BTF3L4: variants seen among roughly 807,000 people sequenced by gnomAD.
The protein encoded by BTF3L4 is basic transcription factor 3 like 4.
A neutral mutation model predicts 16.8 loss-of-function variants in BTF3L4; 6 were observed. The ratio of observed to expected loss-of-function variants is 0.36; its 90% CI spans 0.20 to 0.71. The LOEUF (loss-of-function observed/expected upper bound fraction) is 0.71. BTF3L4 is among the 30% of genes least tolerant of loss of function. BTF3L4 has a pLI of 0.58. For missense variants in BTF3L4, 92 were observed against 186.9 expected (o/e 0.49, Z 2.96); for synonymous variants, 39 against 59.8 (o/e 0.65, Z 1.60).
chr1:52,066,691 A>G (rs1466413106), intron 3 of BTF3L4, among the ~76,000 whole-genome samples: 1 of 151,380 alleles, frequency 6.6e-6, no homozygotes, highest in East Asian at 2.0e-4. Flanking sequence ...AAAATTAAAA[A>G]AAAAATTAGC....
rs1433921386 is a variant in BTF3L4, at chr1:52,089,514, T to C, written c.*2756T>C. ...TTGGCATAAATATGAATTAAATCTTTTTTTATATTTAAATAACTAGTTAAA... is the reference window on the plus strand; with the variant it reads ...TTGGCATAAATATGAATTAAATCTTCTTTTATATTTAAATAACTAGTTAAA... On this transcript the variant is annotated 3_prime_UTR_variant, in exon 6 of 6. Transcript: ENST00000313334. 1 of 152,218 alleles carries C rather than the reference T, an allele frequency of 6.6e-6. No homozygotes were observed. The highest frequency in any genetic ancestry group is 1.5e-5 in the Non-Finnish European group (1 of 68,036). The allele number at this position is 152,218 out of a possible 1,614,324, so 9.4% of individuals were successfully genotyped here. A position where few individuals can be genotyped will look rare whatever the true frequency, so the allele number is the denominator to read the frequency against.
At position 52,088,118 on chromosome 1, in the gene BTF3L4, C is replaced by CA. The variant is rs537372244; in HGVS notation, c.*1364dup. 10 of 152,650 alleles carry CA rather than the reference C, an allele frequency of 6.6e-5. No homozygotes were observed. The South Asian group carries it at 2.1e-3, about 32-fold the overall frequency. The allele number at this position is 152,650 out of a possible 1,614,324, so 9.5% of individuals were successfully genotyped here. A position where few individuals can be genotyped will look rare whatever the true frequency, so the allele number is the denominator to read the frequency against. ...ATTTGTTACAGCCAATATTTAAGGACAAAATTTAGAAAATATATCATTTCC... is the reference window on the plus strand; with the variant it reads ...ATTTGTTACAGCCAATATTTAAGGACAAAAATTTAGAAAATATATCATTTCC... On this transcript the variant is annotated 3_prime_UTR_variant, in exon 6 of 6. Transcript: ENST00000313334.
At position 52,088,355 on chromosome 1, in the gene BTF3L4, A is replaced by G. The variant is rs1643990589; in HGVS notation, c.*1597A>G. 6.6e-6 allele frequency: 1 copy of G among 152,638 alleles called. No homozygotes were observed. Among genetic ancestry groups the G allele is most frequent in the Non-Finnish European group, 1.5e-5 (1 of 68,048 alleles). 9.5% of individuals were successfully genotyped at this position (152,638 alleles called of 1,614,324 possible). Reference sequence around the variant, plus strand: ...TTTCCTGTTATGTTTTATATAATATATGGACTAAACAAAATAAAATAACAG... The same window carrying G: ...TTTCCTGTTATGTTTTATATAATATGTGGACTAAACAAAATAAAATAACAG... On this transcript the variant is annotated 3_prime_UTR_variant, in exon 6 of 6. Coordinates refer to ENST00000313334, the MANE Select transcript of BTF3L4 (RefSeq NM_152265.5).
intron 3 of BTF3L4, among the ~76,000 whole-genome samples, chr1:52,067,965 G>A (rs1318496042): frequency 6.6e-6 from 1 of 150,756 alleles, no homozygotes; most frequent in Non-Finnish European, 1.5e-5. Flanking sequence ...CAGGCAAAGG[G>A]CAGGCACCCT....
chr1:52,073,864 G>C (rs939126368), intron 3 of BTF3L4, among the ~76,000 whole-genome samples: 19 of 152,008 alleles, frequency 1.2e-4, no homozygotes, highest in Admixed American at 8.5e-4. Flanking sequence ...CGGGCGTGGT[G>C]GTGGGCGTCT....
At chr1:52,083,978 C>G (rs548112137) in intron 4 of BTF3L4, among the ~76,000 whole-genome samples, 4 of 150,940 alleles carry the variant, frequency 2.7e-5, no homozygotes, top group Non-Finnish European at 5.9e-5. Context: ...TGAGATCATG[C>G]CATTGCACTC....
chr1:52,077,580 G>T (rs1281797901), intron 3 of BTF3L4, among the ~76,000 whole-genome samples: 2 of 152,094 alleles, frequency 1.3e-5, no homozygotes, highest in African/African-American at 4.8e-5. Flanking sequence ...AGAGACAACT[G>T]CTAATTCTCT....
In BTF3L4 at chr1:52,088,404, C is replaced by A. The variant is rs150207448; in HGVS notation, c.*1646C>A. On this transcript the variant is annotated 3_prime_UTR_variant, in exon 6 of 6. Transcript: ENST00000313334. ...AGTGCAAAAGAGGAGAATATTTCCT[C>A]TTGTGCTTTTCTTGATGTTGTGTAC... 186 of 152,632 alleles carry A rather than the reference C, an allele frequency of 1.2e-3. No individual in the cohort carries two copies. The highest frequency in any genetic ancestry group is 3.4e-3 in the Middle Eastern group (1 of 294). The allele number at this position is 152,632 out of a possible 1,614,324, so 9.5% of individuals were successfully genotyped here.
intron 3 of BTF3L4, among the ~76,000 whole-genome samples, chr1:52,081,637 T>C (rs1450178232): frequency 6.6e-6 from 1 of 152,234 alleles, no homozygotes; most frequent in Admixed American, 6.5e-5. Context: ...TTCAAAACTA[T>C]ATAATTTATC....
intron 3 of BTF3L4, among the ~76,000 whole-genome samples, chr1:52,080,627 A>T (rs1436457539): frequency 3.1e-5 from 4 of 128,770 alleles, no homozygotes; most frequent in African/African-American, 5.7e-5. Flanking sequence ...TATGTCTCCC[A>T]GGTTCAAGCA....
intron 2 of BTF3L4, 115 bp downstream of exon 2, chr1:52,060,016 C>T: frequency 1.0e-6 from 1 of 960,376 alleles, no homozygotes. Flanking sequence ...AAGATCAAAC[C>T]ACATTCCAAT....
At chr1:52,078,233 T>TTTC (rs113730511) in intron 3 of BTF3L4, among the ~76,000 whole-genome samples, 2 of 150,342 alleles carry the variant, frequency 1.3e-5, no homozygotes, top group African/African-American at 4.9e-5. Context: ...CTTTTGCTTT[T>TTTC]TTTTTTTTTT....
In BTF3L4 at chr1:52,088,340, T is replaced by C. The variant is rs554568087; in HGVS notation, c.*1582T>C. The C allele has an allele frequency of 3.3e-5, 5 of 152,770 alleles. No homozygotes were observed. Among genetic ancestry groups the C allele is most frequent in the East Asian group, 3.9e-4 (2 of 5,192 alleles). The allele number at this position is 152,770 out of a possible 1,614,324, so 9.5% of individuals were successfully genotyped here. ...ATAAATTCGTTCATTTTTCCTGTTA[T>C]GTTTTATATAATATATGGACTAAAC... On this transcript the variant is annotated 3_prime_UTR_variant, in exon 6 of 6. Coordinates refer to ENST00000313334, the MANE Select transcript of BTF3L4 (RefSeq NM_152265.5).
chr1:52,056,779 C>T (rs1197401144), intron 1 of BTF3L4, among the ~76,000 whole-genome samples: 1 of 152,232 alleles, frequency 6.6e-6, no homozygotes, highest in Non-Finnish European at 1.5e-5. Context: ...GCTGAGGTTA[C>T]CACTTCCCGC....
At chr1:52,062,917 C>T (rs927678398) in intron 2 of BTF3L4, among the ~76,000 whole-genome samples, 3 of 82,484 alleles carry the variant, frequency 3.6e-5, no homozygotes, top group Non-Finnish European at 7.5e-5. Context: ...TCCTAGTTTC[C>T]TCGCATACGC....
chr1:52,079,186 A>G (rs1012668812), intron 3 of BTF3L4, among the ~76,000 whole-genome samples: 2 of 152,140 alleles, frequency 1.3e-5, no homozygotes, highest in Non-Finnish European at 2.9e-5. Flanking sequence ...TTATATAACC[A>G]TGTCATTTGC....
intron 3 of BTF3L4, among the ~76,000 whole-genome samples, chr1:52,072,835 C>T (rs1198943618): frequency 6.6e-6 from 1 of 152,000 alleles, no homozygotes; most frequent in East Asian, 1.9e-4. Context: ...CTGAGGTGGT[C>T]GCATCACGAG....
At chr1:52,070,027 G>A (rs1686744309) in intron 3 of BTF3L4, among the ~76,000 whole-genome samples, 1 of 152,042 alleles carries the variant, frequency 6.6e-6, no homozygotes, top group Non-Finnish European at 1.5e-5. Flanking sequence ...GACCAGCCTG[G>A]CCAACATGGT....
In BTF3L4 at chr1:52,089,599, TG is replaced by T. The variant is rs913808477; in HGVS notation, c.*2848del. 1.3e-5 allele frequency: 2 copies of T among 152,118 alleles called. No individual in the cohort carries two copies. The highest frequency in any genetic ancestry group is 4.8e-5 in the African/African-American group (2 of 41,426). 9.4% of individuals were successfully genotyped at this position (152,118 alleles called of 1,614,324 possible). On this transcript the variant is annotated 3_prime_UTR_variant, in exon 6 of 6. Transcript: ENST00000313334. Reference sequence around the variant, plus strand: ...CAAGATAACAATGATAAAAACATTTTGGGGGGGAAATTGACCTTAAAATTTT... The same window carrying T: ...CAAGATAACAATGATAAAAACATTTTGGGGGGAAATTGACCTTAAAATTTT...
Sources: allele counts gnomAD v4.1 joint callset (sites outside exome capture counted in the v4.1 genomes callset), GRCh38; gene constraint gnomAD v4.1.1; transcripts MANE v1.5; gene names NCBI Gene and HGNC (gene_info 2026-07-23, HGNC 2026-07-21).